Variants in COL25A1 observed in about 807,000 individuals in gnomAD.
The protein encoded by COL25A1 is collagen type XXV alpha 1 chain.
COL25A1 carries 103 observed loss-of-function variants against 128.4 expected under a neutral mutation model. That is an observed-to-expected ratio of 0.80 (90% CI 0.68 to 0.94). The LOEUF (loss-of-function observed/expected upper bound fraction) is 0.94. Ranked by LOEUF, COL25A1 falls within the 40% of genes least tolerant of loss-of-function variation. The probability of loss-of-function intolerance (pLI) is 0.00; values close to 1 mark genes in which losing one functional copy is unlikely to be tolerated. For missense variants in COL25A1, 745 were observed against 840.0 expected, an observed-to-expected ratio of 0.89 and a Z score of 1.40; for synonymous variants, 279 against 277.2, an observed-to-expected ratio of 1.01 and a Z score of -0.06.
intron 3 of COL25A1, among the ~76,000 whole-genome samples, chr4:109,198,345 A>G (rs529756495): frequency 6.8e-6 from 1 of 146,102 alleles, no homozygotes; most frequent in East Asian, 2.0e-4. Context: ...TGTAGCTATT[A>G]ATGCTATGCA....
chr4:109,126,692 C>T (rs111747032), intron 3 of COL25A1, among the ~76,000 whole-genome samples: 7 of 152,082 alleles, frequency 4.6e-5, no homozygotes, highest in African/African-American at 1.7e-4. Context: ...TACCACCTCT[C>T]GAGAAACTTC....
At chr4:109,289,116 T>A (rs1724208008) in intron 3 of COL25A1, among the ~76,000 whole-genome samples, 1 of 152,048 alleles carries the variant, frequency 6.6e-6, no homozygotes, top group Non-Finnish European at 1.5e-5. Flanking sequence ...CTACAGTACA[T>A]CTTTCCTATG....
intron 4 of COL25A1, among the ~76,000 whole-genome samples, chr4:109,049,227 TA>T (rs1263485298): frequency 6.6e-6 from 1 of 152,128 alleles, no homozygotes. Flanking sequence ...GAAAAATACT[TA>T]GAGAAAATAC....
intron 3 of COL25A1, among the ~76,000 whole-genome samples, chr4:109,274,577 C>T (rs995783434): frequency 6.6e-6 from 1 of 152,074 alleles, no homozygotes; most frequent in Non-Finnish European, 1.5e-5. Flanking sequence ...GAGATAAACA[C>T]TTTAAAATGC....
intron 3 of COL25A1, among the ~76,000 whole-genome samples, chr4:109,061,343 G>A (rs1035229771): frequency 6.6e-6 from 1 of 152,068 alleles, no homozygotes; most frequent in Non-Finnish European, 1.5e-5. Context: ...TCACTACCAG[G>A]TTAACACAGT....
chr4:109,203,669 A>G (rs1038532682), intron 3 of COL25A1, among the ~76,000 whole-genome samples: 2 of 152,192 alleles, frequency 1.3e-5, no homozygotes, highest in African/African-American at 4.8e-5. Context: ...TGATAGCTTT[A>G]GCAGAGTATC....
intron 3 of COL25A1, among the ~76,000 whole-genome samples, chr4:109,292,031 T>C (rs1385105318): frequency 6.6e-6 from 1 of 152,130 alleles, no homozygotes; most frequent in Non-Finnish European, 1.5e-5. Flanking sequence ...AGATCACTTC[T>C]GTGTTGACAA....
chr4:108,886,492 G>GTTTTTTTTTTTTTTTTT (rs535762905), intron 18 of COL25A1, among the ~76,000 whole-genome samples: 1 of 109,248 alleles, frequency 9.2e-6, no homozygotes, highest in African/African-American at 4.0e-5. Context: ...GTGTGTGTGT[G>GTTTTTTTTTTTTTTTTT]TTTAGCTCAT....
intron 3 of COL25A1, among the ~76,000 whole-genome samples, chr4:109,078,214 T>A (rs1286796294): frequency 6.6e-6 from 1 of 152,180 alleles, no homozygotes; most frequent in Non-Finnish European, 1.5e-5. Context: ...TTTCCTAGAA[T>A]GTGTTGAAGG....
At chr4:109,078,620 C>A (rs184165484) in intron 3 of COL25A1, among the ~76,000 whole-genome samples, 1 of 149,426 alleles carries the variant, frequency 6.7e-6, no homozygotes, top group African/African-American at 2.5e-5. Context: ...ACACTATTTA[C>A]ACAAAAGCCC....
intron 6 of COL25A1, among the ~76,000 whole-genome samples, chr4:108,979,863 A>T (rs2125995069): frequency 6.6e-6 from 1 of 152,258 alleles, no homozygotes; most frequent in East Asian, 1.9e-4. Flanking sequence ...GGGAGTACAG[A>T]GCAGAAAGAG....
intron 3 of COL25A1, among the ~76,000 whole-genome samples, chr4:109,246,641 T>G (rs1281614579): frequency 6.6e-6 from 1 of 152,174 alleles, no homozygotes; most frequent in African/African-American, 2.4e-5. Context: ...AATTAAATTG[T>G]ATTCCAATTT....
chr4:108,831,418 A>G (rs906176290), intron 32 of COL25A1, among the ~76,000 whole-genome samples: 11 of 152,288 alleles, frequency 7.2e-5, no homozygotes, highest in African/African-American at 2.6e-4. Flanking sequence ...ATTGGAAGGT[A>G]TGTTAAAGAA....
intron 3 of COL25A1, among the ~76,000 whole-genome samples, chr4:109,232,973 T>C (rs1779250967): frequency 6.6e-6 from 1 of 152,204 alleles, no homozygotes; most frequent in South Asian, 2.1e-4. Flanking sequence ...TAAAAAGTGA[T>C]AACTGCTATC....
chr4:109,289,401 T>A (rs1724238455), intron 3 of COL25A1, among the ~76,000 whole-genome samples: 1 of 152,166 alleles, frequency 6.6e-6, no homozygotes, highest in Admixed American at 6.6e-5. Flanking sequence ...CTTGTTAATT[T>A]TACATCTGTA....
intron 3 of COL25A1, among the ~76,000 whole-genome samples, chr4:109,267,987 T>C (rs1199156919): frequency 1.3e-5 from 2 of 152,116 alleles, no homozygotes; most frequent in Non-Finnish European, 2.9e-5. Context: ...AAAATTTGCA[T>C]TGTAGGAGAA....
chr4:109,041,652 G>C (rs906043871), intron 5 of COL25A1, among the ~76,000 whole-genome samples: 1 of 152,026 alleles, frequency 6.6e-6, no homozygotes, highest in African/African-American at 2.4e-5. Context: ...CTCTCTTACA[G>C]TTAGGTATGA....
chr4:109,114,673 A>G (rs1767356025), intron 3 of COL25A1, among the ~76,000 whole-genome samples: 1 of 152,078 alleles, frequency 6.6e-6, no homozygotes, highest in African/African-American at 2.4e-5. Context: ...AACGTGACAT[A>G]CGGGAATTTC....
intron 22 of COL25A1, 71 bp downstream of exon 22, chr4:108,862,430 C>T: frequency 8.6e-7 from 1 of 1,158,224 alleles, no homozygotes; most frequent in East Asian, 2.3e-5. Flanking sequence ...AAACATGCCT[C>T]TGTGGCAAAG....
Sources: gnomAD v4.1 joint callset for allele counts (sites outside exome capture counted in the v4.1 genomes callset) on GRCh38, gnomAD v4.1.1 for gene constraint, MANE v1.5 for transcripts, NCBI Gene and HGNC (gene_info 2026-07-23, HGNC 2026-07-21) for gene names.